GABBR2: variants seen among roughly 807,000 people sequenced by gnomAD.
The protein encoded by GABBR2 is G-protein coupled receptor 51.
A neutral mutation model predicts 105.6 loss-of-function variants in GABBR2; 23 were observed. The observed-to-expected ratio is 0.22, with a 90% CI of 0.16 to 0.31. The LOEUF (loss-of-function observed/expected upper bound fraction) is 0.31. Ranked by LOEUF, GABBR2 falls within the 10% of genes least tolerant of loss-of-function variation. GABBR2 has a pLI of 1.00. For synonymous variants in GABBR2, 478 were observed against 499.7 expected (o/e 0.96, Z 0.58); for missense variants, 734 against 1,245.5 (o/e 0.59, Z 6.18).
In GABBR2 at chr9:98,290,633, C is replaced by CGGG. The variant is rs771637982; in HGVS notation, c.2774_2776dup (p.Pro925dup). On this transcript the variant is annotated inframe_insertion, in exon 19 of 19. Transcript: ENST00000259455. ...GAAGGAGGGTGGCACATGTCTGTGGCGGGGGCTGGCGGTGGGGCTGACGCA... is the reference window on the plus strand; with the variant it reads ...GAAGGAGGGTGGCACATGTCTGTGGCGGGGGGGGCTGGCGGTGGGGCTGACGCA... 9.0e-6 allele frequency: 13 copies of CGGG among 1,441,334 alleles called. 1 individual carries two copies. The Admixed American group carries it at 3.1e-4, about 34-fold the overall frequency. 89.3% of individuals were successfully genotyped at this position (1,441,334 alleles called of 1,614,324 possible). A position where few individuals can be genotyped will look rare whatever the true frequency, so the allele number is the denominator to read the frequency against.
In GABBR2 at chr9:98,700,508, T is replaced by C. The variant is rs7846959; in HGVS notation, c.321+7909A>G. 3.7e-3 allele frequency among the ~76,000 whole-genome samples: 559 copies of C among 152,270 alleles called. 5 individuals are homozygous for C. The highest frequency in any genetic ancestry group is 0.013 in the African/African-American group (539 of 41,542). On this transcript the variant is annotated intron_variant, in intron 1 of 18. Transcript: ENST00000259455. ...CTCTGGAGCTCTTCCTACCCGACTC[T>C]CCTTCCTTCCCCGTCTCCTTCCACA... is the stretch of plus-strand genomic sequence containing the variant.
At chr9:98,312,500 A>C (rs1273235364) in intron 13 of GABBR2, among the ~76,000 whole-genome samples, 1 of 152,214 alleles carries the variant, frequency 6.6e-6, no homozygotes, top group Non-Finnish European at 1.5e-5. Context: ...TCAGACATCC[A>C]TTTCAAAGGT....
At chr9:98,419,254 G>T (rs899483689) in intron 7 of GABBR2, among the ~76,000 whole-genome samples, 2 of 152,210 alleles carry the variant, frequency 1.3e-5, no homozygotes, top group Non-Finnish European at 2.9e-5. Flanking sequence ...AGGGTATCCT[G>T]CTGGGAGGTG....
chr9:98,393,663 G>C (rs1832235345), intron 9 of GABBR2, among the ~76,000 whole-genome samples: 3 of 152,250 alleles, frequency 2.0e-5, no homozygotes, highest in Non-Finnish European at 2.9e-5. Context: ...AAGTGACAGT[G>C]GCCATAAGAG....
chr9:98,326,969 C>G (rs538307851), intron 13 of GABBR2, among the ~76,000 whole-genome samples: 3 of 152,358 alleles, frequency 2.0e-5, no homozygotes, highest in Non-Finnish European at 4.4e-5. Flanking sequence ...GGCCCTGAAT[C>G]TGGGTCTGTG....
intron 2 of GABBR2, among the ~76,000 whole-genome samples, chr9:98,550,633 A>G (rs997360405): frequency 6.6e-6 from 1 of 152,118 alleles, no homozygotes; most frequent in African/African-American, 2.4e-5. Context: ...CTGGACTCCA[A>G]AGACCTTGGA....
chr9:98,330,161 C>A (rs1428787743), intron 13 of GABBR2, among the ~76,000 whole-genome samples: 9 of 152,166 alleles, frequency 5.9e-5, no homozygotes, highest in East Asian at 1.9e-4. Flanking sequence ...CAGACCCAAC[C>A]AATTCTTGAA....
chr9:98,419,066 C>T (rs1012760692), intron 7 of GABBR2, among the ~76,000 whole-genome samples: 3 of 152,256 alleles, frequency 2.0e-5, no homozygotes, highest in Admixed American at 6.5e-5. Flanking sequence ...TTGGAATCTT[C>T]GCTTTAAGCC....
At chr9:98,689,771 G>C (rs1830663065) in intron 1 of GABBR2, among the ~76,000 whole-genome samples, 1 of 152,134 alleles carries the variant, frequency 6.6e-6, no homozygotes, top group Non-Finnish European at 1.5e-5. Context: ...ACCATACAAA[G>C]ATCTGAACGC....
At chr9:98,630,819 T>A (rs1829806684) in intron 1 of GABBR2, among the ~76,000 whole-genome samples, 1 of 152,202 alleles carries the variant, frequency 6.6e-6, no homozygotes, top group Non-Finnish European at 1.5e-5. Context: ...ACTTTTAAAC[T>A]ATAGAGCTGC....
chr9:98,562,592 T>C (rs113556590), intron 2 of GABBR2, among the ~76,000 whole-genome samples: 114 of 152,222 alleles, frequency 7.5e-4, no homozygotes, highest in African/African-American at 2.7e-3. Context: ...TGTGAGCGTG[T>C]GTGTGGGGGT....
chr9:98,549,473 T>G (rs572193077), intron 2 of GABBR2, among the ~76,000 whole-genome samples: 5 of 152,362 alleles, frequency 3.3e-5, no homozygotes, highest in African/African-American at 1.2e-4. Flanking sequence ...ACCAAATATG[T>G]GGCAGGGCCT....
intron 9 of GABBR2, among the ~76,000 whole-genome samples, chr9:98,390,646 C>G (rs189517217): frequency 2.0e-4 from 31 of 152,040 alleles, no homozygotes; most frequent in East Asian, 1.6e-3. Flanking sequence ...AGCTCACCAT[C>G]TGGAAGCTTC....
intron 8 of GABBR2, among the ~76,000 whole-genome samples, chr9:98,399,675 C>T (rs1832355633): frequency 6.6e-6 from 1 of 152,168 alleles, no homozygotes; most frequent in African/African-American, 2.4e-5. Flanking sequence ...TTCAAAAGCA[C>T]AAACCTTAGG....
intron 2 of GABBR2, among the ~76,000 whole-genome samples, chr9:98,567,750 G>A (rs1016999766): frequency 6.6e-6 from 1 of 152,130 alleles, no homozygotes; most frequent in African/African-American, 2.4e-5. Flanking sequence ...GCTCTGAGGG[G>A]GCTGCTAATT....
intron 6 of GABBR2, among the ~76,000 whole-genome samples, chr9:98,468,755 A>T (rs1333896987): frequency 6.6e-6 from 1 of 152,170 alleles, no homozygotes; most frequent in African/African-American, 2.4e-5. Flanking sequence ...GAGGTTGCAG[A>T]TTAAGTGGTG....
At chr9:98,477,065 T>C (rs1826807579) in intron 5 of GABBR2, among the ~76,000 whole-genome samples, 1 of 152,100 alleles carries the variant, frequency 6.6e-6, no homozygotes, top group African/African-American at 2.4e-5. Context: ...AACTAGGCAC[T>C]GGTATGCTTC....
At chr9:98,473,929 G>C (rs1213736245) in intron 5 of GABBR2, among the ~76,000 whole-genome samples, 1 of 152,142 alleles carries the variant, frequency 6.6e-6, no homozygotes, top group Non-Finnish European at 1.5e-5. Context: ...ACACAACCCA[G>C]GGGGAATAAT....
intron 13 of GABBR2, among the ~76,000 whole-genome samples, chr9:98,324,277 C>T (rs2131379699): frequency 6.6e-6 from 1 of 152,308 alleles, no homozygotes; most frequent in South Asian, 2.1e-4. Context: ...TTAGATTTTA[C>T]AGTGTGTCCT....
Sources: gnomAD v4.1 joint callset for allele counts (sites outside exome capture counted in the v4.1 genomes callset) on GRCh38, gnomAD v4.1.1 for gene constraint, MANE v1.5 for transcripts, NCBI Gene and HGNC (gene_info 2026-07-23, HGNC 2026-07-21) for gene names.